The following NCOA1 variants were observed in gnomAD, a reference collection of about 807,000 sequenced individuals.
NCOA1 encodes the protein Hin-2 protein.
In NCOA1, 35 loss-of-function variants were observed where a neutral mutation model predicts 150.9. The ratio of observed to expected loss-of-function variants is 0.23; its 90% CI spans 0.18 to 0.31. NCOA1 has a LOEUF of 0.31. Ranked by LOEUF, NCOA1 falls within the 10% of genes least tolerant of loss-of-function variation. NCOA1 has a pLI of 1.00. For missense variants in NCOA1, 1,491 were observed against 1,749.3 expected, an observed-to-expected ratio of 0.85 and a Z score of 2.63; for synonymous variants, 590 against 630.0, an observed-to-expected ratio of 0.94 and a Z score of 0.95.
chr2:24,730,022 T>A (rs1195998129), intron 17 of NCOA1, among the ~76,000 whole-genome samples: 1 of 152,122 alleles, frequency 6.6e-6, no homozygotes, highest in Non-Finnish European at 1.5e-5. Flanking sequence ...ATTTTTATAT[T>A]TTTAGTAAAG....
At chr2:24,553,319 AG>A (rs1162584269) in intron 1 of NCOA1, among the ~76,000 whole-genome samples, 3 of 151,862 alleles carry the variant, frequency 2.0e-5, no homozygotes, top group Non-Finnish European at 4.4e-5. Flanking sequence ...CCCAAGTTCA[AG>A]TGATTCTCCT....
At chr2:24,627,130 T>TG (rs1669456547) in intron 3 of NCOA1, among the ~76,000 whole-genome samples, 4 of 149,290 alleles carry the variant, frequency 2.7e-5, no homozygotes, top group Middle Eastern at 3.4e-3. Flanking sequence ...TGTTTTTTTT[T>TG]TTTTTTTTTT....
chr2:24,708,672 A>G (rs1673583098), intron 13 of NCOA1, among the ~76,000 whole-genome samples: 1 of 152,182 alleles, frequency 6.6e-6, no homozygotes, highest in Admixed American at 6.5e-5. Context: ...ATCAGCAGAC[A>G]ATGTATGTAC....
chr2:24,747,326 T>C (rs1012003975), intron 19 of NCOA1, among the ~76,000 whole-genome samples: 1 of 146,178 alleles, frequency 6.8e-6, no homozygotes. Context: ...TTTATTTTTC[T>C]CTTTTTTTTT....
intron 3 of NCOA1, among the ~76,000 whole-genome samples, chr2:24,639,197 A>T (rs1031835885): frequency 6.6e-6 from 1 of 152,116 alleles, no homozygotes; most frequent in Non-Finnish European, 1.5e-5. Flanking sequence ...CTGTGATGCC[A>T]TCTGGACCTG....
chr2:24,522,864 A>G (rs1485301551), intron 1 of NCOA1, among the ~76,000 whole-genome samples: 3 of 152,162 alleles, frequency 2.0e-5, no homozygotes, highest in Non-Finnish European at 4.4e-5. Flanking sequence ...TTTAGATTGC[A>G]TTTGTCTTAA....
chr2:24,646,129 A>G (rs912790345), intron 4 of NCOA1, among the ~76,000 whole-genome samples: 1 of 152,124 alleles, frequency 6.6e-6, no homozygotes, highest in African/African-American at 2.4e-5. Context: ...CATCTTTTCT[A>G]TTTCTTCTTA....
chr2:24,660,141 G>A (rs1210745518), intron 5 of NCOA1, among the ~76,000 whole-genome samples: 3 of 152,174 alleles, frequency 2.0e-5, no homozygotes, highest in Admixed American at 6.5e-5. Flanking sequence ...TGGGAGGAAG[G>A]TTGAGATCAA....
At chr2:24,719,349 T>C (rs1455491010) in intron 14 of NCOA1, among the ~76,000 whole-genome samples, 1 of 152,208 alleles carries the variant, frequency 6.6e-6, no homozygotes, top group Non-Finnish European at 1.5e-5. Flanking sequence ...TTCTGTTTTC[T>C]TGATTTGAGT....
intron 20 of NCOA1, among the ~76,000 whole-genome samples, chr2:24,757,048 C>A (rs1445944153): frequency 6.6e-6 from 1 of 152,224 alleles, no homozygotes; most frequent in Non-Finnish European, 1.5e-5. Flanking sequence ...TTGTATACAT[C>A]TGGCTTCCTC....
intron 18 of NCOA1, among the ~76,000 whole-genome samples, chr2:24,741,241 T>G (rs1334013621): frequency 6.6e-6 from 1 of 151,358 alleles, no homozygotes; most frequent in Non-Finnish European, 1.5e-5. Context: ...TAAAATCACC[T>G]ATAATCACAT....
intron 4 of NCOA1, among the ~76,000 whole-genome samples, chr2:24,651,216 A>G (rs924680127): frequency 6.6e-6 from 1 of 152,110 alleles, no homozygotes; most frequent in Non-Finnish European, 1.5e-5. Context: ...TATACCCAAA[A>G]GAGATGAAAT....
chr2:24,760,112 C>T (rs1405435362), intron 21 of NCOA1, among the ~76,000 whole-genome samples: 1 of 150,138 alleles, frequency 6.7e-6, no homozygotes, highest in Non-Finnish European at 1.5e-5. Context: ...TTTCCTTCTG[C>T]CTGAGGGTCT....
At chr2:24,715,063 C>G (rs1490976291) in intron 14 of NCOA1, among the ~76,000 whole-genome samples, 1 of 152,028 alleles carries the variant, frequency 6.6e-6, no homozygotes, top group Non-Finnish European at 1.5e-5. Context: ...AACTAACTTT[C>G]TGTATCCAGT....
intron 1 of NCOA1, chr2:24,555,919 T>C (rs534391740): frequency 1.3e-5 from 2 of 152,384 alleles, no homozygotes; most frequent in Admixed American, 1.3e-4. Flanking sequence ...TTATTTCTAC[T>C]TAGTTATTGA....
At chr2:24,595,306 T>G (rs1572464804) in intron 3 of NCOA1, among the ~76,000 whole-genome samples, 2 of 152,080 alleles carry the variant, frequency 1.3e-5, no homozygotes, top group African/African-American at 4.8e-5. Context: ...TCCAATGTAT[T>G]GAATTCTATT....
At chr2:24,667,711 G>A (rs1229460989) in intron 6 of NCOA1, among the ~76,000 whole-genome samples, 2 of 152,058 alleles carry the variant, frequency 1.3e-5, no homozygotes, top group African/African-American at 4.8e-5. Flanking sequence ...CACACTCTCT[G>A]CCCTGACCAG....
At chr2:24,677,663 A>T (rs921273308) in intron 7 of NCOA1, among the ~76,000 whole-genome samples, 6 of 152,092 alleles carry the variant, frequency 3.9e-5, no homozygotes, top group Admixed American at 6.6e-5. Context: ...GCCTCACATG[A>T]TCCACCCCGG....
intron 6 of NCOA1, among the ~76,000 whole-genome samples, chr2:24,666,511 C>G (rs547520314): frequency 2.0e-5 from 3 of 152,068 alleles, no homozygotes; most frequent in Non-Finnish European, 4.4e-5. Flanking sequence ...TCAGAAGACA[C>G]AAGTTGTGGA....
Sources: gnomAD v4.1 joint callset for allele counts (sites outside exome capture counted in the v4.1 genomes callset) on GRCh38, gnomAD v4.1.1 for gene constraint, MANE v1.5 for transcripts, NCBI Gene and HGNC (gene_info 2026-07-23, HGNC 2026-07-21) for gene names.